The following RGL1 variants were observed in gnomAD, a reference collection of about 807,000 sequenced individuals.
RGL1 encodes the protein ral guanine nucleotide dissociation stimulator-like 1.
RGL1 carries 24 observed loss-of-function variants against 95.2 expected under a neutral mutation model. That is an observed-to-expected ratio of 0.25 (90% CI 0.18 to 0.35). The LOEUF is 0.35. RGL1 is among the 10% of genes least tolerant of loss of function. RGL1 has a pLI of 1.00. For synonymous variants in RGL1, 329 were observed against 344.9 expected (o/e 0.95, Z 0.51); for missense variants, 715 against 936.3 (o/e 0.76, Z 3.08).
chr1:183,865,916 C>T, intron 3 of RGL1, 80 bp from the exon 4 acceptor site: 1 of 916,824 alleles, frequency 1.1e-6, no homozygotes, highest in Non-Finnish European at 1.8e-6. Context: ...ATAACTGTCA[C>T]TTTGTAGTTG....
At chr1:183,831,006 A>G (rs1171300180) in intron 2 of RGL1, among the ~76,000 whole-genome samples, 1 of 152,220 alleles carries the variant, frequency 6.6e-6, no homozygotes, top group East Asian at 1.9e-4. Context: ...TGTAGTAGAC[A>G]TTATTTTATG....
At chr1:183,914,339 A>G (rs999606532) in intron 15 of RGL1, among the ~76,000 whole-genome samples, 1 of 152,218 alleles carries the variant, frequency 6.6e-6, no homozygotes, top group Admixed American at 6.5e-5. Flanking sequence ...AAATTCTTGC[A>G]GAAGTCATGG....
chr1:183,791,783 A>G (rs1660452706), intron 2 of RGL1, among the ~76,000 whole-genome samples: 1 of 152,212 alleles, frequency 6.6e-6, no homozygotes, highest in African/African-American at 2.4e-5. Flanking sequence ...TCTGTCTGAC[A>G]TTGAGGCATT....
At chr1:183,867,680 A>G (rs1665921547) in intron 4 of RGL1, among the ~76,000 whole-genome samples, 1 of 151,754 alleles carries the variant, frequency 6.6e-6, no homozygotes, top group Non-Finnish European at 1.5e-5. Context: ...TATGCTGATG[A>G]GAATGTCCTA....
chr1:183,790,770 A>G (rs975510125), intron 2 of RGL1, among the ~76,000 whole-genome samples: 1 of 152,174 alleles, frequency 6.6e-6, no homozygotes, highest in African/African-American at 2.4e-5. Context: ...TTGCACCATT[A>G]TTTCTTTACA....
chr1:183,790,349 C>T (rs1211882561), intron 2 of RGL1, among the ~76,000 whole-genome samples: 3 of 152,182 alleles, frequency 2.0e-5, no homozygotes, highest in Non-Finnish European at 4.4e-5. Context: ...AACCTACACC[C>T]AAAGCCAGTT....
chr1:183,824,814 G>A (rs1369391737), intron 2 of RGL1, among the ~76,000 whole-genome samples: 2 of 152,148 alleles, frequency 1.3e-5, no homozygotes, highest in Non-Finnish European at 2.9e-5. Context: ...CTTTCTTGAA[G>A]CCTCTTGCCT....
chr1:183,912,024 T>TA, intron 14 of RGL1, 58 bp from the exon 15 acceptor site: 1 of 1,486,596 alleles, frequency 6.7e-7, no homozygotes, highest in East Asian at 2.3e-5. Context: ...AATATTTGCC[T>TA]AATCATGGAT....
At chr1:183,843,142 C>G (rs1030294449) in intron 2 of RGL1, among the ~76,000 whole-genome samples, 1 of 152,204 alleles carries the variant, frequency 6.6e-6, no homozygotes, top group Non-Finnish European at 1.5e-5. Context: ...TGACATTAAG[C>G]AAATTCTCTG....
chr1:183,806,495 G>A lies in RGL1; in HGVS notation c.138+10G>A. 6.3e-7 allele frequency: 1 copy of A among 1,587,844 alleles called. No homozygotes were observed. The highest frequency in any genetic ancestry group is 8.6e-7 in the Non-Finnish European group (1 of 1,156,456). On this transcript the variant is annotated intron_variant, in intron 2 of 17. Coordinates refer to ENST00000360851, the MANE Select transcript of RGL1 (RefSeq NM_001297671.3). ...AGCAAGATGGCTAGGGGTGAGTAAA[G>A]CTGGCGAGATGGTGAACTTTGGAAT...
intron 2 of RGL1, among the ~76,000 whole-genome samples, chr1:183,753,126 T>G (rs1190428638): frequency 6.6e-6 from 1 of 152,222 alleles, no homozygotes; most frequent in African/African-American, 2.4e-5. Context: ...TCTCTCACTC[T>G]CTGCTTATGT....
intron 1 of RGL1, among the ~76,000 whole-genome samples, chr1:183,702,917 T>C (rs4517316): frequency 0.48 from 72,248 of 152,100 alleles, 17,793 homozygotes; most frequent in East Asian, 0.76. Context: ...GCGGACAGGG[T>C]AGCAGTTTTA....
Position 183,926,116 on chromosome 1 carries a change from C to G in RGL1, c.2131C>G (p.Pro711Ala). Residue 711 changes from proline (P) to alanine (A), a missense_variant, in exon 18 of 18, where the codon CCA (proline) becomes GCA (alanine). Physicochemically the swap from Pro to Ala is conservative, Grantham distance 27. This residue lies in a region of RGL1 where 330 missense variants were observed against 429.6 expected (regional missense o/e 0.77). Transcript: ENST00000360851. ...VISEDKELVI[P>A]DSANVFYAMN... ...CTTATCTTTTTCAGAACTTGTGATTCCAGACTCAGCAAATGTCTTTTATGC... is the reference window on the plus strand; with the variant it reads ...CTTATCTTTTTCAGAACTTGTGATTGCAGACTCAGCAAATGTCTTTTATGC... The G allele has an allele frequency of 6.2e-7, 1 of 1,613,394 alleles. No individual in the cohort carries two copies. Among genetic ancestry groups the G allele is most frequent in the Non-Finnish European group, 8.5e-7 (1 of 1,179,624 alleles).
intron 2 of RGL1, among the ~76,000 whole-genome samples, chr1:183,779,325 T>G (rs1168439275): frequency 6.6e-6 from 1 of 151,932 alleles, no homozygotes; most frequent in Non-Finnish European, 1.5e-5. Flanking sequence ...CTTGGCTCAC[T>G]GCAACCTCTG....
chr1:183,904,913 C>G lies in RGL1; in HGVS notation c.1414C>G (p.Pro472Ala). 1 of 1,613,844 alleles carries G rather than the reference C, an allele frequency of 6.2e-7. No individual in the cohort carries two copies. Among genetic ancestry groups the G allele is most frequent in the Non-Finnish European group, 8.5e-7 (1 of 1,179,908 alleles). The change falls in exon 13 of 18, where the codon CCA (proline) becomes GCA (alanine). Residue 472 changes from proline to alanine, a missense_variant. Pro to Ala is a conservative substitution (Grantham distance 27). Transcript: ENST00000360851. ...QSACNSYCMT[P>A]DQKFIQWFQR... The stretch of plus-strand genomic sequence containing the variant: ...TGCCTGCAACAGCTATTGCATGACC[C>G]CAGACCAAAAGTTCATCCAGTGGTT...
chr1:183,887,634 G>A (rs1187246292), intron 7 of RGL1, among the ~76,000 whole-genome samples: 1 of 152,050 alleles, frequency 6.6e-6, no homozygotes, highest in Non-Finnish European at 1.5e-5. Context: ...GCCAAGAATG[G>A]GACTTTCTCC....
intron 1 of RGL1, among the ~76,000 whole-genome samples, chr1:183,739,906 G>GAGT (rs1315583410): frequency 2.0e-5 from 3 of 152,238 alleles, no homozygotes; most frequent in African/African-American, 7.2e-5. Context: ...GCAGACAGTA[G>GAGT]AGTAAGCTGT....
intron 2 of RGL1, among the ~76,000 whole-genome samples, chr1:183,814,499 T>A (rs1329345499): frequency 6.6e-6 from 1 of 152,216 alleles, no homozygotes; most frequent in Non-Finnish European, 1.5e-5. Context: ...TGTGGTCCAT[T>A]CATTTGAATT....
rs561782787 is a variant in RGL1, at chr1:183,883,527, G to A, written c.611-259G>A. 5.9e-5 allele frequency among the ~76,000 whole-genome samples: 9 copies of A among 152,276 alleles called. No individual in the cohort carries two copies. The South Asian group carries it at 1.9e-3, about 32-fold the overall frequency. ...GCTCTCTCTAGACTTTGCCTATCCT[G>A]GCTCTGTCCTTGGCCTAGGAGCCAG... On this transcript the variant is annotated intron_variant, in intron 5 of 17. Coordinates refer to ENST00000360851, the MANE Select transcript of RGL1 (RefSeq NM_001297671.3).
Sources: allele counts gnomAD v4.1 joint callset (sites outside exome capture counted in the v4.1 genomes callset), GRCh38; gene constraint gnomAD v4.1.1; regional missense constraint gnomAD v4.1.1; transcripts MANE v1.5; gene names NCBI Gene and HGNC (gene_info 2026-07-23, HGNC 2026-07-21).